Variants in CFAP70 observed in about 807,000 individuals in gnomAD.
CFAP70 encodes cilia and flagella associated protein 70, also known as cilia- and flagella-associated protein 70.
In CFAP70, 81 loss-of-function variants were observed where a neutral mutation model predicts 137.6. The observed-to-expected ratio is 0.59, with a 90% CI of 0.49 to 0.71. The LOEUF (loss-of-function observed/expected upper bound fraction) is 0.71, where lower values mean the gene tolerates loss of function less well. Ranked by LOEUF, CFAP70 falls within the 30% of genes least tolerant of loss-of-function variation. The probability of loss-of-function intolerance (pLI) is 0.00; values close to 1 mark genes in which losing one functional copy is unlikely to be tolerated. For missense variants in CFAP70, 976 were observed against 1,226.7 expected, an observed-to-expected ratio of 0.80 and a Z score of 3.05; for synonymous variants, 382 against 423.6, an observed-to-expected ratio of 0.90 and a Z score of 1.20.
chr10:73,295,764 T>G (rs1409732155), intron 15 of CFAP70: 2 of 152,208 alleles, frequency 1.3e-5, no homozygotes, highest in Admixed American at 1.3e-4. Flanking sequence ...CCTTAAATGT[T>G]GGTATTTCCT....
chr10:73,348,477 C>T, exon 4 of CFAP70: 1 of 1,530,142 alleles, frequency 6.5e-7, no homozygotes, highest in South Asian at 1.3e-5. Flanking sequence ...AAGGTCTTCT[C>T]TTCTTTCTGT....
chr10:73,336,221 T>C (rs1332418556), intron 6 of CFAP70, among the ~76,000 whole-genome samples: 1 of 152,170 alleles, frequency 6.6e-6, no homozygotes, highest in Non-Finnish European at 1.5e-5. Flanking sequence ...GGTTAAGACT[T>C]GGCCATTGTC....
chr10:73,293,353 G>A, exon 16 of CFAP70: 4 of 1,610,482 alleles, frequency 2.5e-6, no homozygotes, highest in Non-Finnish European at 3.4e-6. Flanking sequence ...TTGTATAAAT[G>A]GTTGCAACAG....
intron 8 of CFAP70, among the ~76,000 whole-genome samples, chr10:73,324,031 T>C (rs973518153): frequency 5.3e-5 from 8 of 152,318 alleles, no homozygotes; most frequent in African/African-American, 9.6e-5. Context: ...ACACTGCCTC[T>C]TCAAGTGGGT....
chr10:73,323,132 T>C (rs1476618417), intron 8 of CFAP70, 35 bp from the exon 10 acceptor site: 1 of 1,568,478 alleles, frequency 6.4e-7, no homozygotes, highest in Non-Finnish European at 8.6e-7. Context: ...GTTAGTGCTA[T>C]AAGCAATGTA....
At chr10:73,357,952 A>G (rs1443750667) in intron 1 of CFAP70, among the ~76,000 whole-genome samples, 1 of 152,214 alleles carries the variant, frequency 6.6e-6, no homozygotes, top group East Asian at 1.9e-4. Flanking sequence ...GTTTATGAAG[A>G]CTGGGTATTC....
At chr10:73,346,012 C>T (rs1187497424) in intron 4 of CFAP70, among the ~76,000 whole-genome samples, 2 of 151,310 alleles carry the variant, frequency 1.3e-5, no homozygotes, top group Non-Finnish European at 2.9e-5. Context: ...GATTCTTCTG[C>T]CTCAGCCTCC....
At chr10:73,264,749 T>C (rs1367259070) in intron 25 of CFAP70, among the ~76,000 whole-genome samples, 1 of 152,268 alleles carries the variant, frequency 6.6e-6, no homozygotes. Flanking sequence ...CATGAGTTAA[T>C]TATTTTTCTG....
chr10:73,269,845 A>G, intron 24 of CFAP70, 130 bp from the exon 26 acceptor site: 2 of 565,862 alleles, frequency 3.5e-6, no homozygotes, highest in Non-Finnish European at 3.2e-6. Flanking sequence ...TCTTTTCTTC[A>G]AAGGAAATCT....
At chr10:73,362,727 G>A (rs2055062755), upstream of CFAP70, among the ~76,000 whole-genome samples, 1 of 152,056 alleles carries the variant, frequency 6.6e-6, no homozygotes, top group Non-Finnish European at 1.5e-5. Flanking sequence ...CAGGAAGTTT[G>A]ACTTCTTTCT....
At chr10:73,293,483 C>T (rs530044053) in intron 15 of CFAP70, 95 bp from the exon 17 acceptor site, 18 of 1,130,534 alleles carry the variant, frequency 1.6e-5, no homozygotes, top group Non-Finnish European at 1.8e-5. Context: ...CCAGTTATGA[C>T]GTCTAAAATG....
At chr10:73,284,620 G>T (rs1381535317) in intron 19 of CFAP70, among the ~76,000 whole-genome samples, 1 of 140,926 alleles carries the variant, frequency 7.1e-6, no homozygotes, top group Non-Finnish European at 1.6e-5. Flanking sequence ...ACATTTTTTA[G>T]TATCCCATTT....
At chr10:73,263,124 C>T (rs2045427567) in intron 25 of CFAP70, among the ~76,000 whole-genome samples, 1 of 152,152 alleles carries the variant, frequency 6.6e-6, no homozygotes, top group Non-Finnish European at 1.5e-5. Context: ...TTATTTGAGA[C>T]AGGATCTTGC....
chr10:73,340,032 A>T (rs1290046691), intron 6 of CFAP70, among the ~76,000 whole-genome samples: 2 of 152,228 alleles, frequency 1.3e-5, no homozygotes, highest in Non-Finnish European at 2.9e-5. Context: ...GCGGAGGGTG[A>T]GCAAAGCAAA....
At chr10:73,355,858 C>T (rs918594652) in intron 1 of CFAP70, among the ~76,000 whole-genome samples, 1 of 152,126 alleles carries the variant, frequency 6.6e-6, no homozygotes, top group African/African-American at 2.4e-5. Flanking sequence ...GTTGAATCAT[C>T]CCCGCTGCCC....
chr10:73,332,941 CTAAGA>C (rs1396398160), intron 7 of CFAP70, among the ~76,000 whole-genome samples: 1 of 152,008 alleles, frequency 6.6e-6, no homozygotes, highest in Admixed American at 6.6e-5. Context: ...AAGACCTAGA[CTAAGA>C]TATGACATAG....
intron 8 of CFAP70, among the ~76,000 whole-genome samples, chr10:73,327,550 C>T (rs1258652249): frequency 6.6e-6 from 1 of 151,672 alleles, no homozygotes; most frequent in Non-Finnish European, 1.5e-5. Context: ...GTCAAATTGT[C>T]CCTGTTTGCA....
Position 73,310,085 on chromosome 10 carries a change from G to A in CFAP70, c.1256+73C>T, listed in dbSNP as rs186639329. 1,928 of 913,326 alleles carry A rather than the reference G, an allele frequency of 2.1e-3. 7 individuals carry two copies. The highest frequency in any genetic ancestry group is 2.3e-3 in the Non-Finnish European group (1,342 of 592,258). The allele number at this position is 913,326 out of a possible 1,614,324, so 56.6% of individuals were successfully genotyped here. On this transcript the variant is annotated intron_variant, in intron 12 of 26. Coordinates refer to ENST00000310715, the Ensembl canonical transcript of CFAP70. ...GCTTAGCCCAAGGGAAATTACAATC[G>A]TGGGGACAATCTGACTTCCTCTTAT...
exon 9 of CFAP70, chr10:73,323,080 C>G: frequency 6.2e-7 from 1 of 1,611,948 alleles, no homozygotes; most frequent in Non-Finnish European, 8.5e-7. Context: ...GAAACGAAAG[C>G]TGAGCTTCTT....
Sources: allele counts gnomAD v4.1 joint callset (sites outside exome capture counted in the v4.1 genomes callset), GRCh38; gene constraint gnomAD v4.1.1; transcripts MANE v1.5; gene names NCBI Gene and HGNC (gene_info 2026-07-23, HGNC 2026-07-21).